Variants in P2RX4 observed in about 807,000 individuals in gnomAD.
P2RX4 encodes the protein purinergic receptor P2X 4, also known as P2X purinoceptor 4.
In P2RX4, 37 loss-of-function variants were observed where a neutral mutation model predicts 48.0. The observed-to-expected ratio is 0.77, with a 90% CI of 0.59 to 1.01. The LOEUF (loss-of-function observed/expected upper bound fraction) is 1.01, where lower values mean the gene tolerates loss of function less well. P2RX4 is among the 50% of genes least tolerant of loss of function. The probability of loss-of-function intolerance (pLI) is 0.00; values close to 1 mark genes in which losing one functional copy is unlikely to be tolerated. For missense variants in P2RX4, 501 were observed against 521.4 expected (o/e 0.96, Z 0.38); for synonymous variants, 200 against 199.7 (o/e 1.00, Z -0.01).
At chr12:121,211,639 A>G (rs1361615070) in intron 1 of P2RX4, among the ~76,000 whole-genome samples, 4 of 152,126 alleles carry the variant, frequency 2.6e-5, no homozygotes, top group African/African-American at 9.7e-5. Context: ...CAAACTGCAC[A>G]TTGGAACCAT....
chr12:121,222,187 G>GGGGA, intron 4 of P2RX4, 21 bp downstream of exon 4: 1 of 1,557,760 alleles, frequency 6.4e-7, no homozygotes, highest in Non-Finnish European at 8.9e-7. Flanking sequence ...GTGGCCTCCT[G>GGGGA]GGGAGGGCGG....
intron 4 of P2RX4, 22 bp downstream of exon 4, chr12:121,222,188 G>T: frequency 6.4e-7 from 1 of 1,559,160 alleles, no homozygotes; most frequent in South Asian, 1.1e-5. Context: ...TGGCCTCCTG[G>T]GGAGGGCGGC....
chr12:121,223,031 C>G lies in P2RX4; in HGVS notation c.512C>G (p.Thr171Arg). The G allele has an allele frequency of 6.2e-7, 1 of 1,605,512 alleles. No homozygotes were observed. The highest frequency in any genetic ancestry group is 8.5e-7 in the Non-Finnish European group (1 of 1,172,126). ...GCCTGGTGCCCGGTGGAGGATGACACACACGTGCCACAGTGAGTCCAGCCC... is the reference window on the plus strand; with the variant it reads ...GCCTGGTGCCCGGTGGAGGATGACAGACACGTGCCACAGTGAGTCCAGCCC... ...VAAWCPVEDDTHVPQPAFLKA... is the reference protein window; with the variant it reads ...VAAWCPVEDDRHVPQPAFLKA... The change falls in exon 5 of 12, where the codon ACA becomes AGA. Residue 171 changes from threonine (T) to arginine (R), a missense_variant. Around this residue, in one of 3 missense-constraint regions of P2RX4, gnomAD observed 295 missense variants for 275.3 expected, o/e 1.07. Coordinates refer to ENST00000337233, the MANE Select transcript of P2RX4 (RefSeq NM_002560.3).
In P2RX4 at chr12:121,228,823, T is replaced by C; in HGVS notation, c.704T>C (p.Ile235Thr). 1 of 1,614,096 alleles carries C rather than the reference T, an allele frequency of 6.2e-7. No individual in the cohort carries two copies. The highest frequency in any genetic ancestry group is 1.3e-5 in the African/African-American group (1 of 75,006). ...TGCCCCATATTCCGTCTTGGCAAAA[T>C]AGTGGAGAACGCAGGACACAGTTTC... ...PFCPIFRLGK[I>T]VENAGHSFQD... The change falls in exon 7 of 12, where the codon ATA becomes ACA. Residue 235 changes from isoleucine to threonine, a missense_variant. Physicochemically the swap from Ile to Thr is moderately conservative, Grantham distance 89 (BLOSUM62 -1). Transcript: ENST00000337233.
intron 1 of P2RX4, among the ~76,000 whole-genome samples, chr12:121,212,489 A>ATTT (rs541747738): frequency 7.4e-6 from 1 of 135,318 alleles, no homozygotes. Context: ...AAAAAAAAGA[A>ATTT]TTTTTTTTTT....
chr12:121,217,194 G>A lies in P2RX4; in HGVS notation c.195G>A (p.Thr65=), dbSNP rs373683458. 1.1e-5 allele frequency: 18 copies of A among 1,614,038 alleles called. No individual in the cohort carries two copies. The South Asian group carries it at 1.2e-4, about 11-fold the overall frequency. Residue 65 remains threonine (T), a synonymous_variant, in exon 2 of 12, where the codon ACG becomes ACA. Transcript: ENST00000337233. ...CTGACTCCGTGGTCAGCTCCGTTACGACCAAGGTCAAGGGCGTGGCTGTGA... is the reference window on the plus strand; with the variant it reads ...CTGACTCCGTGGTCAGCTCCGTTACAACCAAGGTCAAGGGCGTGGCTGTGA... ...QETDSVVSSV[T]TKVKGVAVTN...
intron 2 of P2RX4, among the ~76,000 whole-genome samples, chr12:121,218,741 TC>T (rs1172988710): frequency 6.6e-6 from 1 of 152,038 alleles, no homozygotes; most frequent in Non-Finnish European, 1.5e-5. Flanking sequence ...CCGTGTGAGT[TC>T]CCCAGGGCTT....
chr12:121,233,412 C>A, intron 11 of P2RX4, 111 bp from the exon 12 acceptor site: 1 of 1,202,184 alleles, frequency 8.3e-7, no homozygotes, highest in African/African-American at 1.5e-5. Context: ...GGTTCCAGGC[C>A]TGGGACCAAC....
chr12:121,211,248 G>C (rs1359884487), intron 1 of P2RX4, among the ~76,000 whole-genome samples: 1 of 152,102 alleles, frequency 6.6e-6, no homozygotes, highest in Non-Finnish European at 1.5e-5. Flanking sequence ...TGTCGCCCGG[G>C]CTGGAGTGCA....
rs1025602235 is a variant in P2RX4, at chr12:121,229,990, G to T, written c.884+891G>T. On this transcript the variant is annotated intron_variant, in intron 8 of 11. Transcript: ENST00000337233. This position sits in a 1 kb window ranked among gnomAD's most constrained non-coding sequence, Gnocchi z 4.6. ...AGGTCACACTCCCAAGCTTCAGGTA[G>T]ATGTGAATTTTTGGGGACACACTGT... Among the ~76,000 whole-genome samples the T allele has an allele frequency of 6.6e-6, 1 of 152,220 alleles. No homozygotes were observed. The highest frequency in any genetic ancestry group is 2.4e-5 in the African/African-American group (1 of 41,460).
chr12:121,233,646 G>T lies in P2RX4; in HGVS notation c.*97G>T, dbSNP rs924461326. On this transcript the variant is annotated 3_prime_UTR_variant, in exon 12 of 12. Coordinates refer to ENST00000337233, the MANE Select transcript of P2RX4 (RefSeq NM_002560.3). Reference sequence around the variant, plus strand: ...CCACATCACCCCAGAGAAATTTCTGGAATCTGATTGAGTCTCCACTCCACA... The same window carrying T: ...CCACATCACCCCAGAGAAATTTCTGTAATCTGATTGAGTCTCCACTCCACA... 8 of 1,552,368 alleles carry T rather than the reference G, an allele frequency of 5.2e-6. No individual in the cohort carries two copies. The highest frequency in any genetic ancestry group is 2.0e-5 in the Admixed American group (1 of 51,132).
chr12:121,233,673 G>A lies in P2RX4; in HGVS notation c.*124G>A. The A allele has an allele frequency of 6.5e-7, 1 of 1,541,952 alleles. No homozygotes were observed. The highest frequency in any genetic ancestry group is 8.8e-7 in the Non-Finnish European group (1 of 1,141,676). On this transcript the variant is annotated 3_prime_UTR_variant, in exon 12 of 12. Coordinates refer to ENST00000337233, the MANE Select transcript of P2RX4 (RefSeq NM_002560.3). ...ATCTGATTGAGTCTCCACTCCACAA[G>A]CACTCAGGGTTCCCCAGCAGCTCCT...
intron 5 of P2RX4, 89 bp from the exon 6 acceptor site, chr12:121,228,444 T>C (rs1215382043): frequency 7.8e-6 from 5 of 641,546 alleles, no homozygotes; most frequent in South Asian, 3.9e-5. Context: ...ACAATACATA[T>C]ATATATGTGT....
chr12:121,226,501 C>A (rs1439231731), intron 5 of P2RX4, among the ~76,000 whole-genome samples: 2 of 152,058 alleles, frequency 1.3e-5, no homozygotes, highest in Non-Finnish European at 2.9e-5. Flanking sequence ...CAAGATCATG[C>A]CACTGCGCTC....
At chr12:121,220,299 A>AC (rs143771326) in intron 2 of P2RX4, among the ~76,000 whole-genome samples, 14,809 of 149,542 alleles carry the variant, frequency 0.099, 1,018 homozygotes, top group Non-Finnish European at 0.14. Context: ...CAGTTTGCAG[A>AC]CCCCCCCCTT....
At chr12:121,210,448 G>C in intron 1 of P2RX4, 150 bp downstream of exon 1, 3 of 707,978 alleles carry the variant, frequency 4.2e-6, no homozygotes, top group Non-Finnish European at 5.9e-6. Flanking sequence ...CGCCGCGCCG[G>C]GGCCCCGGGG....
intron 5 of P2RX4, among the ~76,000 whole-genome samples, chr12:121,228,115 C>A (rs1388664473): frequency 2.6e-5 from 4 of 151,644 alleles, no homozygotes; most frequent in African/African-American, 9.7e-5. Flanking sequence ...ATAGGCTGGG[C>A]GTGATGGCTT....
chr12:121,212,423 C>A (rs1315997383), intron 1 of P2RX4, among the ~76,000 whole-genome samples: 1 of 151,470 alleles, frequency 6.6e-6, no homozygotes, highest in Non-Finnish European at 1.5e-5. Context: ...AGCGAGACCC[C>A]ATCTCTAAGA....
intron 2 of P2RX4, among the ~76,000 whole-genome samples, chr12:121,217,820 C>A (rs1042634805): frequency 2.8e-4 from 42 of 150,860 alleles, no homozygotes; most frequent in African/African-American, 9.2e-4. Flanking sequence ...AGACCAAAAC[C>A]CAAACAAGAA....
Sources: gnomAD v4.1 joint callset for allele counts (sites outside exome capture counted in the v4.1 genomes callset) on GRCh38, gnomAD v4.1.1 for gene constraint, gnomAD v4.1.1 regional missense constraint, Gnocchi (gnomAD v3.1) non-coding constraint, MANE v1.5 for transcripts, NCBI Gene and HGNC (gene_info 2026-07-23, HGNC 2026-07-21) for gene names.